The following PTPRD variants were observed in gnomAD, a reference collection of about 807,000 sequenced individuals.
PTPRD encodes the protein protein tyrosine phosphatase receptor type D, also known as receptor-type tyrosine-protein phosphatase delta.
Under a neutral mutation model 214.5 loss-of-function variants are expected in PTPRD, and 34 were observed. The observed-to-expected ratio is 0.16, with a 90% CI of 0.12 to 0.21. PTPRD has a LOEUF of 0.21. Among genes scored for constraint, PTPRD ranks in the 10% least tolerant of loss-of-function variants. The pLI, the probability that PTPRD is intolerant of heterozygous loss-of-function variation, is 1.00. For missense variants in PTPRD, 2,545 were observed against 2,398.7 expected (o/e 1.06, Z -1.27); for synonymous variants, 1,128 against 845.7 (o/e 1.33, Z -5.79).
intron 8 of PTPRD, among the ~76,000 whole-genome samples, chr9:9,422,174 G>C (rs1404531982): frequency 1.3e-5 from 2 of 152,092 alleles, no homozygotes; most frequent in East Asian, 1.9e-4. Flanking sequence ...AAATATGTGA[G>C]ATAAGTACAA....
At chr9:9,939,610 T>G (rs1393519916) in intron 4 of PTPRD, among the ~76,000 whole-genome samples, 1 of 152,212 alleles carries the variant, frequency 6.6e-6, no homozygotes, top group Non-Finnish European at 1.5e-5. Context: ...TTGTACCTAC[T>G]TGGTATTAAT....
chr9:9,092,050 A>T (rs1365547183), intron 10 of PTPRD, among the ~76,000 whole-genome samples: 1 of 152,194 alleles, frequency 6.6e-6, no homozygotes, highest in African/African-American at 2.4e-5. Context: ...ACTTTAGAAG[A>T]TTCACTCTTA....
chr9:8,957,850 T>C (rs895701459), intron 11 of PTPRD, among the ~76,000 whole-genome samples: 1 of 151,534 alleles, frequency 6.6e-6, no homozygotes, highest in South Asian at 2.1e-4. Flanking sequence ...ATTATATTTA[T>C]GAGGACATAT....
At chr9:9,584,374 T>TATTATTATTATTATTATG (rs1243650955) in intron 7 of PTPRD, among the ~76,000 whole-genome samples, 18 of 151,340 alleles carry the variant, frequency 1.2e-4, no homozygotes, top group African/African-American at 4.4e-4. Flanking sequence ...TTATTATTAT[T>TATTATTATTATTATTATG]ATTATTTGCT....
At chr9:8,367,340 ATT>A (rs910299672) in intron 39 of PTPRD, among the ~76,000 whole-genome samples, 4 of 152,068 alleles carry the variant, frequency 2.6e-5, no homozygotes, top group African/African-American at 9.7e-5. Flanking sequence ...TGTAGGGGCG[ATT>A]TTATATCCAA....
chr9:9,988,310 G>A (rs2095793655), intron 4 of PTPRD, among the ~76,000 whole-genome samples: 1 of 152,046 alleles, frequency 6.6e-6, no homozygotes, highest in Non-Finnish European at 1.5e-5. Context: ...CTTCTTGTCT[G>A]TTATTTAGTG....
At chr9:8,995,067 G>T (rs2154350704) in intron 11 of PTPRD, among the ~76,000 whole-genome samples, 1 of 152,044 alleles carries the variant, frequency 6.6e-6, no homozygotes, top group African/African-American at 2.4e-5. Context: ...ACCTGTTCAA[G>T]ACCAGAAGAA....
chr9:10,495,117 T>C (rs1282363627), intron 2 of PTPRD, among the ~76,000 whole-genome samples: 2 of 151,840 alleles, frequency 1.3e-5, no homozygotes, highest in Non-Finnish European at 2.9e-5. Context: ...TATCCTTTAA[T>C]AGGAAAGAAG....
chr9:8,798,819 C>G (rs191473887), intron 11 of PTPRD, among the ~76,000 whole-genome samples: 10 of 152,258 alleles, frequency 6.6e-5, no homozygotes, highest in Non-Finnish European at 1.3e-4. Flanking sequence ...TCACAGACTT[C>G]TCATTGATAT....
At chr9:9,947,601 ATATATT>A (rs376131253) in intron 4 of PTPRD, among the ~76,000 whole-genome samples, 1,701 of 64,754 alleles carry the variant, frequency 0.026, 46 homozygotes, top group Non-Finnish European at 0.039. Flanking sequence ...TATATAATAT[ATATATT>A]TTATATATAT....
intron 8 of PTPRD, among the ~76,000 whole-genome samples, chr9:9,515,493 A>G (rs1189157215): frequency 6.6e-6 from 1 of 152,132 alleles, no homozygotes; most frequent in Non-Finnish European, 1.5e-5. Flanking sequence ...GATAATCTGT[A>G]TACAGAAAGT....
intron 10 of PTPRD, among the ~76,000 whole-genome samples, chr9:9,048,573 G>C (rs1163438498): frequency 2.0e-5 from 3 of 152,120 alleles, no homozygotes; most frequent in African/African-American, 7.2e-5. Context: ...AACATCGTAT[G>C]TTCTCACTTA....
At chr9:9,943,584 T>C (rs1002230304) in intron 4 of PTPRD, among the ~76,000 whole-genome samples, 1 of 152,172 alleles carries the variant, frequency 6.6e-6, no homozygotes, top group Non-Finnish European at 1.5e-5. Context: ...AATAATATGC[T>C]ATATTAGAAG....
intron 6 of PTPRD, among the ~76,000 whole-genome samples, chr9:9,755,713 G>C (rs1388860540): frequency 3.3e-5 from 5 of 151,900 alleles, no homozygotes; most frequent in Non-Finnish European, 7.4e-5. Flanking sequence ...AGAATACAAA[G>C]GCAAACGAAA....
At chr9:9,905,795 C>A (rs1477231159) in intron 5 of PTPRD, among the ~76,000 whole-genome samples, 1 of 151,856 alleles carries the variant, frequency 6.6e-6, no homozygotes, top group African/African-American at 2.4e-5. Context: ...TTACTATAGT[C>A]AGGAAAAAGT....
intron 3 of PTPRD, among the ~76,000 whole-genome samples, chr9:10,233,149 T>C (rs535113725): frequency 1.3e-5 from 2 of 152,108 alleles, no homozygotes; most frequent in African/African-American, 4.8e-5. Flanking sequence ...GGAAAATAAA[T>C]AGTGTGGCTA....
intron 11 of PTPRD, among the ~76,000 whole-genome samples, chr9:8,947,706 G>A (rs2099074545): frequency 6.6e-6 from 1 of 151,982 alleles, no homozygotes; most frequent in African/African-American, 2.4e-5. Flanking sequence ...CAATATCTCA[G>A]CAAATAATTC....
intron 10 of PTPRD, among the ~76,000 whole-genome samples, chr9:9,038,286 A>T (rs1471077347): frequency 6.6e-6 from 1 of 152,122 alleles, no homozygotes; most frequent in Non-Finnish European, 1.5e-5. Flanking sequence ...GGCAGCTGGG[A>T]CCTACCACAG....
chr9:10,206,378 TC>T lies in PTPRD; in HGVS notation c.-545+134584del, dbSNP rs531703543. On this transcript the variant is annotated intron_variant, in intron 3 of 45. Coordinates refer to ENST00000381196, the MANE Select transcript of PTPRD (RefSeq NM_002839.4). ...GGCACTAGGTAGTCATCTGGAGTAA[TC>T]AAGCAAAGCCAACTCCCTCCCAATA... Among the ~76,000 whole-genome samples, 19 of 152,252 alleles carry T rather than the reference TC, an allele frequency of 1.2e-4. No individual in the cohort carries two copies. In the South Asian group the frequency reaches 3.9e-3, roughly 32 times the overall value.
Sources: allele counts gnomAD v4.1 joint callset (sites outside exome capture counted in the v4.1 genomes callset), GRCh38; gene constraint gnomAD v4.1.1; transcripts MANE v1.5; gene names NCBI Gene and HGNC (gene_info 2026-07-23, HGNC 2026-07-21).